Variants in SIRT7 observed in about 807,000 individuals in gnomAD.
The protein encoded by SIRT7 is sirtuin 7, also known as NAD-dependent protein deacetylase sirtuin-7.
SIRT7 carries 32 observed loss-of-function variants against 42.8 expected under a neutral mutation model. That is an observed-to-expected ratio of 0.75 (90% confidence interval 0.56 to 1.00). The LOEUF is 1.00. Ranked by LOEUF, SIRT7 falls within the 50% of genes least tolerant of loss-of-function variation. SIRT7 has a pLI of 0.00. For missense variants in SIRT7, 553 were observed against 572.2 expected, an observed-to-expected ratio of 0.97 and a Z score of 0.34; for synonymous variants, 297 against 245.2, an observed-to-expected ratio of 1.21 and a Z score of -1.97.
intron 9 of SIRT7, chr17:81,912,834 C>T: frequency 3.3e-6 from 2 of 609,798 alleles, no homozygotes; most frequent in Non-Finnish European, 2.9e-6. Flanking sequence ...GGTCGGCACC[C>T]ACACTAGCTC....
In SIRT7 at chr17:81,913,337, A is replaced by ACT; in HGVS notation, c.1004+436_1004+437insAG. On this transcript the variant is annotated intron_variant, in intron 9 of 9. Coordinates refer to ENST00000328666, the MANE Select transcript of SIRT7 (RefSeq NM_016538.3). This position sits in a 1 kb window ranked among gnomAD's most constrained non-coding sequence, Gnocchi z 5.0. ...AGAGAGTGTAAACTTTTTACTCAAT[A>ACT]CATACACCAAGTCTAAATTATCACA... The ACT allele has an allele frequency of 2.2e-6, 1 of 452,652 alleles. No individual in the cohort carries two copies. 28.0% of individuals were successfully genotyped at this position (452,652 alleles called of 1,614,324 possible).
chr17:81,915,185 A>C (rs2040772390), intron 5 of SIRT7: 2 of 572,684 alleles, frequency 3.5e-6, no homozygotes, highest in South Asian at 4.1e-5. Context: ...AATGCAAGGG[A>C]ATCACAAAGG....
chr17:81,918,173 G>A lies in SIRT7; in HGVS notation c.-42C>T, dbSNP rs1265429460. 3 of 1,516,876 alleles carry A rather than the reference G, an allele frequency of 2.0e-6. No individual in the cohort carries two copies. Among genetic ancestry groups the A allele is most frequent in the African/African-American group, 1.4e-5 (1 of 69,596 alleles). The allele number at this position is 1,516,876 out of a possible 1,614,324, so 94.0% of individuals were successfully genotyped here. On this transcript the variant is annotated 5_prime_UTR_variant, in exon 1 of 10. Transcript: ENST00000328666. ...TGCTCTTCCGCTTCCGCCTCACACG[G>A]CAGGCCGCGCTCAGGGCGCATGCGC...
Position 81,913,462 on chromosome 17 carries a change from C to T in SIRT7, c.1004+312G>A, listed in dbSNP as rs1598340602. On this transcript the variant is annotated intron_variant, in intron 9 of 9. Coordinates refer to ENST00000328666, the MANE Select transcript of SIRT7 (RefSeq NM_016538.3). The surrounding 1 kb of genome is among the most constrained non-coding windows in gnomAD (Gnocchi z 5.0). ...TGTCTGACCAGAGCTGCCGAGTGCT[C>T]GTCCCCTCCAGATGCTTCCCACCAG... 2 of 444,426 alleles carry T rather than the reference C, an allele frequency of 4.5e-6. No individual in the cohort carries two copies. Among genetic ancestry groups the T allele is most frequent in the South Asian group, 2.0e-5 (1 of 50,860 alleles). 27.5% of individuals were successfully genotyped at this position (444,426 alleles called of 1,614,324 possible). A position where few individuals can be genotyped will look rare whatever the true frequency, so the allele number is the denominator to read the frequency against.
chr17:81,912,942 T>C (rs2040715650), intron 9 of SIRT7: 4 of 422,862 alleles, frequency 9.5e-6, no homozygotes, highest in Non-Finnish European at 1.8e-5. Context: ...TCTCCAGGGA[T>C]GAGTCACTAG....
chr17:81,914,586 C>G lies in SIRT7; in HGVS notation c.579+18G>C. On this transcript the variant is annotated intron_variant, in intron 6 of 9. Transcript: ENST00000328666. ...CCGCCTGCCCATGGAGACCCTGGGT[C>G]CCTGCAGGACTGCTCACTTCAATGT... 1 of 1,612,468 alleles carries G rather than the reference C, an allele frequency of 6.2e-7. No individual in the cohort carries two copies. The highest frequency in any genetic ancestry group is 8.5e-7 in the Non-Finnish European group (1 of 1,179,372).
chr17:81,915,252 G>C lies in SIRT7; in HGVS notation c.480+188C>G, dbSNP rs986552136. On this transcript the variant is annotated intron_variant, in intron 5 of 9. Coordinates refer to ENST00000328666, the MANE Select transcript of SIRT7 (RefSeq NM_016538.3). Reference sequence around the variant, plus strand: ...CTGGCTGCGGATGGGATGGTTCAGAGGGGGAGCTCCCCTTCTGTCCTGGAG... The same window carrying C: ...CTGGCTGCGGATGGGATGGTTCAGACGGGGAGCTCCCCTTCTGTCCTGGAG... The C allele has an allele frequency of 3.0e-5, 19 of 634,170 alleles. 1 individual carries two copies. The South Asian group carries it at 3.3e-4, about 11-fold the overall frequency. 39.3% of individuals were successfully genotyped at this position (634,170 alleles called of 1,614,324 possible).
At position 81,914,458 on chromosome 17, in the gene SIRT7, T is replaced by C. The variant is rs1443456226; in HGVS notation, c.652A>G (p.Arg218Gly). 1 of 1,613,076 alleles carries C rather than the reference T, an allele frequency of 6.2e-7. No individual in the cohort carries two copies. The highest frequency in any genetic ancestry group is 8.5e-7 in the Non-Finnish European group (1 of 1,180,022). The change falls in exon 7 of 10, where the codon AGA becomes GGA. Residue 218 changes from arginine (R) to glycine (G), a missense_variant. Physicochemically the swap from Arg to Gly is moderately radical, Grantham distance 125. Coordinates refer to ENST00000328666, the MANE Select transcript of SIRT7 (RefSeq NM_016538.3). The part of the protein sequence containing the change: ...FDVTERTALH[R>G]HQTGRTCHKC... The stretch of plus-strand genomic sequence containing the variant: ...TGGCAGGTCCGGCCTGTCTGGTGTC[T>C]GTGGAGGGCAGTGCGCTCCGTCACA...
chr17:81,912,493 G>C lies in SIRT7; in HGVS notation c.1126C>G (p.Leu376Val). 1 of 1,613,962 alleles carries C rather than the reference G, an allele frequency of 6.2e-7. No individual in the cohort carries two copies. Among genetic ancestry groups the C allele is most frequent in the Non-Finnish European group, 8.5e-7 (1 of 1,180,004 alleles). The change falls in exon 10 of 10, where the codon CTT (leucine) becomes GTT (valine). Residue 376 changes from leucine (L) to valine (V), a missense_variant. Leu to Val is a conservative substitution (Grantham distance 32). Coordinates refer to ENST00000328666, the MANE Select transcript of SIRT7 (RefSeq NM_016538.3). ...EAPPGDRGAPLSSAPILGGWF... is the reference protein window; with the variant it reads ...EAPPGDRGAPVSSAPILGGWF... ...CCCCCTAGGATGGGGGCCGAGCTAA[G>C]CGGTGCACCCCGGTCCCCAGGCGGG... is the stretch of plus-strand genomic sequence containing the variant.
chr17:81,912,205 C>T lies in SIRT7; in HGVS notation c.*211G>A, dbSNP rs970776295. The stretch of plus-strand genomic sequence containing the variant: ...CGGCTGCCACCTCTTGACACAGAGG[C>T]CGGATGGGCAGGTGTCCTCGATGGC... On this transcript the variant is annotated 3_prime_UTR_variant, in exon 10 of 10. Transcript: ENST00000328666. 1.8e-5 allele frequency: 11 copies of T among 618,106 alleles called. No individual in the cohort carries two copies. Among genetic ancestry groups the T allele is most frequent in the Non-Finnish European group, 3.1e-5 (11 of 352,410 alleles). 38.3% of individuals were successfully genotyped at this position (618,106 alleles called of 1,614,324 possible).
Position 81,913,735 on chromosome 17 carries a change from G to C in SIRT7, c.1004+39C>G. 1 of 1,474,974 alleles carries C rather than the reference G, an allele frequency of 6.8e-7. No individual in the cohort carries two copies. Among genetic ancestry groups the C allele is most frequent in the South Asian group, 1.2e-5 (1 of 82,424 alleles). The allele number at this position is 1,474,974 out of a possible 1,614,324, so 91.4% of individuals were successfully genotyped here. ...GAAGACAGACAAGGCCCAGCACACA[G>C]AGGTGCGGGGAAGCAGGCTGCTGCA... On this transcript the variant is annotated intron_variant, in intron 9 of 9. Coordinates refer to ENST00000328666, the MANE Select transcript of SIRT7 (RefSeq NM_016538.3). This position sits in a 1 kb window ranked among gnomAD's most constrained non-coding sequence, Gnocchi z 5.0.
chr17:81,917,469 G>A (rs1294831021), intron 3 of SIRT7, 146 bp downstream of exon 3: 1 of 653,398 alleles, frequency 1.5e-6, no homozygotes, highest in Non-Finnish European at 2.4e-6. Context: ...CAGAGGCCAA[G>A]CGTTTAAAAA....
At chr17:81,915,396 C>A in intron 5 of SIRT7, 44 bp downstream of exon 5, 1 of 1,589,432 alleles carries the variant, frequency 6.3e-7, no homozygotes, top group South Asian at 1.1e-5. Context: ...CCAAGGTGCT[C>A]TGCCTGGTCC....
chr17:81,913,795 A>G lies in SIRT7; in HGVS notation c.983T>C (p.Leu328Ser), dbSNP rs1399857414. The G allele has an allele frequency of 4.5e-6, 7 of 1,548,706 alleles. No individual in the cohort carries two copies. The highest frequency in any genetic ancestry group is 6.1e-6 in the Non-Finnish European group (7 of 1,146,962). The change falls in exon 9 of 10, where the codon TTG becomes TCG. Residue 328 changes from leucine to serine, a missense_variant. By Grantham distance (145) the Leu-to-Ser change is moderately radical (BLOSUM62 -2). Coordinates refer to ENST00000328666, the MANE Select transcript of SIRT7 (RefSeq NM_016538.3). This position sits in a 1 kb window ranked among gnomAD's most constrained non-coding sequence, Gnocchi z 5.0. ...VMRLLMAELG[L>S]EIPAYSRWQD... The stretch of plus-strand genomic sequence containing the variant: ...TCACCTGCTATAGGCGGGGATCTCC[A>G]AGCCCAGCTCGGCCATGAGGAGCCG...
intron 9 of SIRT7, 45 bp from the exon 10 acceptor site, chr17:81,912,659 C>G (rs780318421): frequency 4.4e-6 from 7 of 1,574,882 alleles, no homozygotes; most frequent in South Asian, 1.1e-5. Context: ...GGGAGCCTCT[C>G]GCAGTCACAC....
At chr17:81,912,643 G>A (rs370966987) in intron 9 of SIRT7, 29 bp from the exon 10 acceptor site, 27 of 1,597,350 alleles carry the variant, frequency 1.7e-5, no homozygotes, top group Middle Eastern at 3.5e-4. Context: ...GGCATCAGGC[G>A]GGCCTGGGAG....
Position 81,917,685 on chromosome 17 carries a change from A to G in SIRT7, c.266T>C (p.Val89Ala). 1 of 1,604,460 alleles carries G rather than the reference A, an allele frequency of 6.2e-7. No homozygotes were observed. The highest frequency in any genetic ancestry group is 1.3e-5 in the African/African-American group (1 of 74,412). ...CDDPEELRGK[V>A]RELASAVRNA... is the part of the protein sequence containing the mutation. The stretch of plus-strand genomic sequence containing the variant: ...CCGGACGGCGCTGGCCAGCTCCCGG[A>G]CCTTCCCCCGCAGCTCCTCCGGGTC... Residue 89 changes from valine to alanine, a missense_variant, in exon 3 of 10, where the codon GTC (valine) becomes GCC (alanine). By Grantham distance (64) the Val-to-Ala change is moderately conservative. Transcript: ENST00000328666.
Position 81,914,344 on chromosome 17 carries a change from C to T in SIRT7, c.766G>A (p.Glu256Lys), listed in dbSNP as rs140054427. ...ATGGTGTCTGCTCTGCTGGCAGCCTCGGTCGCCGCTTCCCAGTTCAAAGGC... is the reference window on the plus strand; with the variant it reads ...ATGGTGTCTGCTCTGCTGGCAGCCTTGGTCGCCGCTTCCCAGTTCAAAGGC... ...GQPLNWEAAT[E>K]AASRADTILC... The change falls in exon 7 of 10, where the codon GAG becomes AAG. Residue 256 changes from glutamate (E) to lysine (K), a missense_variant. Glu to Lys is a moderately conservative substitution (Grantham distance 56). Transcript: ENST00000328666. 2.0e-3 allele frequency: 3,228 copies of T among 1,612,920 alleles called. 1 individual carries two copies. The highest frequency in any genetic ancestry group is 2.6e-3 in the Non-Finnish European group (3,100 of 1,179,990).
chr17:81,917,768 C>T, intron 2 of SIRT7, 49 bp from the exon 3 acceptor site: 13 of 1,452,768 alleles, frequency 8.9e-6, no homozygotes, highest in Non-Finnish European at 1.2e-5. Context: ...CCACCCGGGA[C>T]CGCCCGTCGC....
Sources: gnomAD v4.1 joint callset for allele counts on GRCh38, gnomAD v4.1.1 for gene constraint, Gnocchi (gnomAD v3.1) non-coding constraint, MANE v1.5 for transcripts, NCBI Gene and HGNC (gene_info 2026-07-23, HGNC 2026-07-21) for gene names.